The following BRCA1 variants were observed in gnomAD, a reference collection of about 807,000 sequenced individuals.
BRCA1 encodes breast cancer type 1 susceptibility protein.
A neutral mutation model predicts 173.7 loss-of-function variants in BRCA1; 140 were observed. The observed-to-expected ratio is 0.81, with a 90% confidence interval of 0.70 to 0.93. BRCA1 has a LOEUF of 0.93. Among genes scored for constraint, BRCA1 ranks in the 40% least tolerant of loss-of-function variants. BRCA1 has a pLI of 0.00. For missense variants in BRCA1, 1,983 were observed against 2,172.5 expected, an observed-to-expected ratio of 0.91 and a Z score of 1.73; for synonymous variants, 662 against 756.0, an observed-to-expected ratio of 0.88 and a Z score of 2.04.
chr17:43,094,645 T>G lies in BRCA1; in HGVS notation c.886A>C (p.Arg296=). ...AATTCAGCCTTTTCTACATTCATTC[T>G]GTCTTTAGTGAGTAATAAACTGCTG... ...ENSSLLLTKD[R]MNVEKAEFCN... is the part of the protein sequence containing the mutation. Residue 296 remains arginine, a synonymous_variant, in exon 10 of 23, where the codon AGA becomes CGA. Transcript: ENST00000357654. 6.2e-7 allele frequency: 1 copy of G among 1,614,212 alleles called. No homozygotes were observed. Among genetic ancestry groups the G allele is most frequent in the Non-Finnish European group, 8.5e-7 (1 of 1,180,036 alleles).
chr17:43,099,540 G>A (rs1169038628), intron 7 of BRCA1, among the ~76,000 whole-genome samples: 1 of 151,944 alleles, frequency 6.6e-6, no homozygotes, highest in Non-Finnish European at 1.5e-5. Flanking sequence ...CAAAGTGCTG[G>A]GATTACAGGT....
chr17:43,137,868 C>A (rs780985037), intron 1 of BRCA1, among the ~76,000 whole-genome samples: 1 of 151,866 alleles, frequency 6.6e-6, no homozygotes, highest in Non-Finnish European at 1.5e-5. Flanking sequence ...CAGAGTAAGA[C>A]CATCTCCAAA....
chr17:43,063,265 A>AG (rs2051845570), intron 18 of BRCA1, 68 bp downstream of exon 18: 4 of 1,323,210 alleles, frequency 3.0e-6, no homozygotes, highest in Non-Finnish European at 4.4e-6. Flanking sequence ...GATGGAAGGA[A>AG]GCAAATACAT....
intron 20 of BRCA1, 70 bp downstream of exon 20, chr17:43,050,993 T>G: frequency 6.7e-7 from 1 of 1,482,980 alleles, no homozygotes. Context: ...TCGTGGGATC[T>G]TGCTTATAAT....
intron 19 of BRCA1, among the ~76,000 whole-genome samples, chr17:43,052,846 T>C (rs1436001116): frequency 7.7e-6 from 1 of 129,480 alleles, no homozygotes; most frequent in Non-Finnish European, 1.6e-5. Flanking sequence ...ACCGCCAGAG[T>C]GAAAAGAAAT....
chr17:43,080,247 T>C (rs748725643), intron 12 of BRCA1, among the ~76,000 whole-genome samples: 4 of 152,120 alleles, frequency 2.6e-5, no homozygotes, highest in Non-Finnish European at 4.4e-5. Context: ...CAGGGTATTG[T>C]GAAGAATTAA....
At chr17:43,058,019 CA>C (rs68106056) in intron 18 of BRCA1, among the ~76,000 whole-genome samples, 84 of 34,500 alleles carry the variant, frequency 2.4e-3, no homozygotes, top group South Asian at 5.0e-3. Context: ...AACTCTGTCT[CA>C]AAAAAAAAAA....
intron 2 of BRCA1, among the ~76,000 whole-genome samples, chr17:43,121,072 C>G (rs1329328815): frequency 2.2e-5 from 3 of 138,236 alleles, no homozygotes; most frequent in South Asian, 4.6e-4. Context: ...TCCAACCCCC[C>G]ACCCCGAAAA....
At chr17:43,129,668 G>T (rs972317824), upstream of BRCA1, among the ~76,000 whole-genome samples, 1 of 152,090 alleles carries the variant, frequency 6.6e-6, no homozygotes, top group Non-Finnish European at 1.5e-5. Flanking sequence ...AGAGATGGGG[G>T]TTTCACCGCG....
rs774959350 is a variant in BRCA1 at position 43,093,951 on chromosome 17, T to C, written c.1580A>G (p.Lys527Arg). ...FIKKADLAVQKTPEMINQGTN... is the reference protein window; with the variant it reads ...FIKKADLAVQRTPEMINQGTN... ...TCCCTGATTTATCATTTCAGGAGTC[T>C]TTTGAACTGCCAAATCTGCTTTCTT... is the stretch of plus-strand genomic sequence containing the variant. The change falls in exon 10 of 23, where the codon AAG becomes AGG. Residue 527 changes from lysine to arginine, a missense_variant. Transcript: ENST00000357654. 6.2e-7 allele frequency: 1 copy of C among 1,613,864 alleles called. No homozygotes were observed. Among genetic ancestry groups the C allele is most frequent in the Non-Finnish European group, 8.5e-7 (1 of 1,179,924 alleles).
At chr17:43,099,054 C>T (rs555207554) in intron 7 of BRCA1, among the ~76,000 whole-genome samples, 12 of 151,102 alleles carry the variant, frequency 7.9e-5, no homozygotes, top group Non-Finnish European at 1.6e-4. Context: ...AACTCCCGAC[C>T]TCAGGTGATC....
upstream of BRCA1, among the ~76,000 whole-genome samples, chr17:43,129,435 A>G (rs1459414794): frequency 6.6e-6 from 1 of 152,062 alleles, no homozygotes; most frequent in Non-Finnish European, 1.5e-5. Context: ...AGAGACGAAG[A>G]TTAATTTCCC....
At chr17:43,139,104 G>A (rs902228058) in intron 1 of BRCA1, among the ~76,000 whole-genome samples, 11 of 151,784 alleles carry the variant, frequency 7.2e-5, no homozygotes, top group Non-Finnish European at 2.9e-5. Context: ...TTTGGTCTCT[G>A]CCCCCGGTTC....
intron 19 of BRCA1, among the ~76,000 whole-genome samples, chr17:43,052,314 T>C (rs2051276003): frequency 6.6e-6 from 1 of 152,148 alleles, no homozygotes. Flanking sequence ...GAGGTCTCAT[T>C]CTGTCACTCA....
chr17:43,129,060 GAA>G, upstream of BRCA1, among the ~76,000 whole-genome samples: 1 of 150,908 alleles, frequency 6.6e-6, no homozygotes, highest in Middle Eastern at 3.4e-3. Context: ...GAGGCTGAAA[GAA>G]AAAAAAATCG....
rs1064795358 is a variant in BRCA1 at position 43,093,760 on chromosome 17, T to C, written c.1771A>G (p.Ile591Val). 6.2e-7 allele frequency: 1 copy of C among 1,614,012 alleles called. No homozygotes were observed. Among genetic ancestry groups the C allele is most frequent in the Admixed American group, 1.7e-5 (1 of 60,022 alleles). ...KTKAEPISSS[I>V]SNMELELNIH... ...TTTAATTCGAGTTCCATATTGCTTA[T>C]ACTGCTGCTTATAGGTTCAGCTTTC... is the stretch of plus-strand genomic sequence containing the variant. The change falls in exon 10 of 23, where the codon ATA (isoleucine) becomes GTA (valine). Residue 591 changes from isoleucine (I) to valine (V), a missense_variant. Physicochemically the swap from Ile to Val is conservative, Grantham distance 29. Transcript: ENST00000357654.
At chr17:43,115,932 C>T (rs568111260) in intron 2 of BRCA1, among the ~76,000 whole-genome samples, 153 bp from the exon 3 acceptor site, 9 of 152,306 alleles carry the variant, frequency 5.9e-5, no homozygotes, top group Admixed American at 2.6e-4. Context: ...TAAATGTCTG[C>T]TGTGTCAGGA....
Position 43,059,469 on chromosome 17 carries a change from C to CACAACAACAACAACA in BRCA1, c.5194-2349_5194-2335dup, listed in dbSNP as rs746155740. Among the ~76,000 whole-genome samples, 435 of 147,540 alleles carry CACAACAACAACAACA rather than the reference C, an allele frequency of 2.9e-3. 1 individual carries two copies. Among genetic ancestry groups the CACAACAACAACAACA allele is most frequent in the African/African-American group, 9.0e-3 (358 of 39,780 alleles). On this transcript the variant is annotated intron_variant, in intron 18 of 22. Coordinates refer to ENST00000357654, the MANE Select transcript of BRCA1 (RefSeq NM_007294.4). ...CCTGGGCAACAGAACGAGATGCTGT[C>CACAACAACAACAACA]ACAACAACAACAACAACAACAACAA... is the stretch of plus-strand genomic sequence containing the variant.
chr17:43,136,483 T>A (rs2154581403), intron 1 of BRCA1, among the ~76,000 whole-genome samples: 1 of 152,198 alleles, frequency 6.6e-6, no homozygotes, highest in Admixed American at 6.5e-5. Context: ...GAAACTACCA[T>A]CAGAGTGAAC....
Sources: allele counts gnomAD v4.1 joint callset (sites outside exome capture counted in the v4.1 genomes callset), GRCh38; gene constraint gnomAD v4.1.1; transcripts MANE v1.5; gene names NCBI Gene and HGNC (gene_info 2026-07-23, HGNC 2026-07-21).